DGKH: variants seen among roughly 807,000 people sequenced by gnomAD.
DGKH encodes the protein DAG kinase eta.
In DGKH, 90 loss-of-function variants were observed where a neutral mutation model predicts 159.3. That is an observed-to-expected ratio of 0.57 (90% CI 0.48 to 0.67). DGKH has a LOEUF of 0.67. DGKH is among the 30% of genes least tolerant of loss of function. The pLI is 0.00. For synonymous variants in DGKH, 536 were observed against 553.8 expected (o/e 0.97, Z 0.45); for missense variants, 1,181 against 1,506.1 (o/e 0.78, Z 3.57).
At chr13:42,192,651 T>C (rs1377729295) in intron 16 of DGKH, among the ~76,000 whole-genome samples, 1 of 151,814 alleles carries the variant, frequency 6.6e-6, no homozygotes, top group Non-Finnish European at 1.5e-5. Flanking sequence ...TCCTTCTTTC[T>C]TCTTTCTTCT....
chr13:42,072,459 A>G (rs924470785), intron 1 of DGKH, among the ~76,000 whole-genome samples: 2 of 152,202 alleles, frequency 1.3e-5, no homozygotes, highest in Non-Finnish European at 2.9e-5. Context: ...AAATTATTGT[A>G]TTGATGTTAA....
chr13:42,053,426 CTA>C (rs974460834), intron 1 of DGKH, among the ~76,000 whole-genome samples: 4 of 140,980 alleles, frequency 2.8e-5, no homozygotes, highest in African/African-American at 1.0e-4. Flanking sequence ...ATATGTAACT[CTA>C]TATGTAGCTA....
intron 2 of DGKH, 69 bp downstream of exon 2, chr13:42,127,642 G>T: frequency 7.7e-7 from 1 of 1,297,986 alleles, no homozygotes; most frequent in Non-Finnish European, 1.1e-6. Context: ...GGTTCTGTAA[G>T]CTGTTTTTGT....
Position 42,215,597 on chromosome 13 carries a change from C to G in DGKH, c.3143C>G (p.Thr1048Ser). ...TAGAGTCTTACAAGAGACACTGCCACTGAAATAGCCATCAATGTGAAGGCG... is the reference window on the plus strand; with the variant it reads ...TAGAGTCTTACAAGAGACACTGCCAGTGAAATAGCCATCAATGTGAAGGCG... ...CPESLTRDTA[T>S]EIAINVKALY... Residue 1048 changes from threonine (T) to serine (S), a missense_variant, in exon 26 of 30, where the codon ACT becomes AGT. Physicochemically the swap from Thr to Ser is moderately conservative, Grantham distance 58. Around this residue, in one of 5 missense-constraint regions of DGKH, gnomAD observed 335 missense variants for 495.2 expected, o/e 0.68. Transcript: ENST00000337343. 5.0e-6 allele frequency: 8 copies of G among 1,610,816 alleles called. No individual in the cohort carries two copies. Among genetic ancestry groups the G allele is most frequent in the Non-Finnish European group, 6.8e-6 (8 of 1,178,066 alleles).
chr13:42,093,577 A>T (rs1954464321), intron 1 of DGKH, among the ~76,000 whole-genome samples: 1 of 152,238 alleles, frequency 6.6e-6, no homozygotes, highest in Non-Finnish European at 1.5e-5. Flanking sequence ...TAGCAGTATT[A>T]TTCCTAATAG....
intron 30 of DGKH, among the ~76,000 whole-genome samples, chr13:42,255,292 T>C (rs1958649937): frequency 6.6e-6 from 1 of 152,108 alleles, no homozygotes; most frequent in African/African-American, 2.4e-5. Context: ...TTTTTTTTAA[T>C]TGAATAAGAA....
At chr13:42,155,513 C>T (rs1435160035) in intron 4 of DGKH, 118 bp downstream of exon 4, 2 of 1,509,242 alleles carry the variant, frequency 1.3e-6, no homozygotes, top group African/African-American at 2.8e-5. Flanking sequence ...CTTGTTTAAA[C>T]CAGATTTTGA....
chr13:42,048,848 C>T lies in DGKH; in HGVS notation c.75C>T (p.Val25=), dbSNP rs1451402937. ...GGAAAGAGAA[V]TSAAASAGPG... The stretch of plus-strand genomic sequence containing the variant: ...CGGCCGCCGGAGCCGGCGCCGCGGT[C>T]ACCTCCGCCGCTGCCTCGGCGGGGC... The change falls in exon 1 of 30, where the codon GTC becomes GTT. Residue 25 remains valine, a synonymous_variant. Coordinates refer to ENST00000337343, the MANE Select transcript of DGKH (RefSeq NM_178009.5). The surrounding 1 kb of genome is among the most constrained non-coding windows in gnomAD (Gnocchi z 6.7). 2 of 1,362,680 alleles carry T rather than the reference C, an allele frequency of 1.5e-6. No individual in the cohort carries two copies. The highest frequency in any genetic ancestry group is 2.9e-5 in the East Asian group (1 of 34,880). The allele number at this position is 1,362,680 out of a possible 1,614,324, so 84.4% of individuals were successfully genotyped here.
chr13:42,078,909 C>CTTTTTTTTTTTTT (rs55801562), intron 1 of DGKH, among the ~76,000 whole-genome samples: 2 of 93,578 alleles, frequency 2.1e-5, no homozygotes, highest in African/African-American at 4.9e-5. Flanking sequence ...GTATATTCTC[C>CTTTTTTTTTTTTT]TTTTTTTTTT....
chr13:42,229,154 A>G lies in DGKH; in HGVS notation c.3629A>G (p.Glu1210Gly). ...HVKRILQGIK[E>G]LGRSTPQSEV Reference sequence around the variant, plus strand: ...AAGCGAATTCTCCAGGGAATTAAAGAGCTTGGAAGGAGCACTCCACAGTCG... The same window carrying G: ...AAGCGAATTCTCCAGGGAATTAAAGGGCTTGGAAGGAGCACTCCACAGTCG... The change falls in exon 30 of 30, where the codon GAG becomes GGG. Residue 1210 changes from glutamate (E) to glycine (G), a missense_variant. By Grantham distance (98) the Glu-to-Gly change is moderately conservative (BLOSUM62 -2). Transcript: ENST00000337343. The G allele has an allele frequency of 6.2e-7, 1 of 1,611,658 alleles. No homozygotes were observed. The highest frequency in any genetic ancestry group is 8.5e-7 in the Non-Finnish European group (1 of 1,179,378).
chr13:42,055,975 C>A (rs536685538), intron 1 of DGKH, among the ~76,000 whole-genome samples: 39 of 152,252 alleles, frequency 2.6e-4, no homozygotes, highest in Non-Finnish European at 3.8e-4. Flanking sequence ...AACAAGGAGA[C>A]CCCATCTCTA....
Position 42,242,334 on chromosome 13 carries a change from A to G in DGKH, c.*13146A>G, listed in dbSNP as rs1350952707. 1.3e-5 allele frequency: 2 copies of G among 152,230 alleles called. No homozygotes were observed. The highest frequency in any genetic ancestry group is 3.8e-4 in the East Asian group (2 of 5,202). 9.4% of individuals were successfully genotyped at this position (152,230 alleles called of 1,614,324 possible). On this transcript the variant is annotated 3_prime_UTR_variant, in exon 30 of 30. Transcript: ENST00000337343. ...ATTTTGGTAGTCTGTTTTGAAACTA[A>G]GCACTTGTGTCTGAAAGATGCAGAT...
chr13:42,150,654 A>G (rs1210286472), intron 3 of DGKH, among the ~76,000 whole-genome samples: 1 of 152,208 alleles, frequency 6.6e-6, no homozygotes, highest in Non-Finnish European at 1.5e-5. Context: ...GTTGTTTGTA[A>G]CCATAGATAT....
At chr13:42,158,205 A>T (rs1213470852) in intron 5 of DGKH, among the ~76,000 whole-genome samples, 2 of 152,250 alleles carry the variant, frequency 1.3e-5, no homozygotes, top group Non-Finnish European at 2.9e-5. Context: ...GTTATATCCA[A>T]TTAAGACAGT....
intron 3 of DGKH, among the ~76,000 whole-genome samples, chr13:42,147,884 G>T (rs1423892869): frequency 6.6e-6 from 1 of 152,136 alleles, no homozygotes; most frequent in Non-Finnish European, 1.5e-5. Context: ...CTATGTGAGT[G>T]AATGAAGTCA....
At chr13:42,102,208 G>A (rs775238465) in intron 1 of DGKH, among the ~76,000 whole-genome samples, 16 of 152,260 alleles carry the variant, frequency 1.1e-4, no homozygotes, top group Non-Finnish European at 2.1e-4. Flanking sequence ...AGGCTGTGGA[G>A]ACACTAAACC....
chr13:42,139,631 G>T (rs1222145322), intron 3 of DGKH, among the ~76,000 whole-genome samples: 1 of 152,140 alleles, frequency 6.6e-6, no homozygotes, highest in Non-Finnish European at 1.5e-5. Context: ...TTGCACAGCA[G>T]CCCACTCCCC....
In DGKH at chr13:42,231,905, T is replaced by C. The variant is rs1958304792; in HGVS notation, c.*2717T>C. The C allele has an allele frequency of 6.6e-6, 1 of 152,164 alleles. No homozygotes were observed. Among genetic ancestry groups the C allele is most frequent in the Non-Finnish European group, 1.5e-5 (1 of 68,032 alleles). The allele number at this position is 152,164 out of a possible 1,614,324, so 9.4% of individuals were successfully genotyped here. On this transcript the variant is annotated 3_prime_UTR_variant, in exon 30 of 30. Transcript: ENST00000337343. ...TGCAAATGGCTTTGGATGAGGGAAA[T>C]TCTATAAAATGACAATTTGGATATA...
intron 3 of DGKH, among the ~76,000 whole-genome samples, chr13:42,133,578 G>A (rs1955336834): frequency 2.6e-5 from 4 of 151,856 alleles, no homozygotes; most frequent in Admixed American, 2.6e-4. Context: ...TGCCTGTAGT[G>A]CCAGCTATTC....
Sources: allele counts gnomAD v4.1 joint callset (sites outside exome capture counted in the v4.1 genomes callset), GRCh38; gene constraint gnomAD v4.1.1; regional missense constraint gnomAD v4.1.1; non-coding constraint Gnocchi (gnomAD v3.1); transcripts MANE v1.5; gene names NCBI Gene and HGNC (gene_info 2026-07-23, HGNC 2026-07-21).